CSMD1: variants seen among roughly 807,000 people sequenced by gnomAD.
The protein encoded by CSMD1 is CUB and sushi domain-containing protein 1.
A neutral mutation model predicts 417.5 loss-of-function variants in CSMD1; 213 were observed. That is an observed-to-expected ratio of 0.51 (90% confidence interval 0.46 to 0.57). CSMD1 has a LOEUF of 0.57. Ranked by LOEUF, CSMD1 falls within the 20% of genes least tolerant of loss-of-function variation. The pLI, the probability that CSMD1 is intolerant of heterozygous loss-of-function variation, is 0.00. For synonymous variants in CSMD1, 2,862 were observed against 1,736.8 expected, an observed-to-expected ratio of 1.65 and a Z score of -16.11; for missense variants, 6,923 against 4,529.7, an observed-to-expected ratio of 1.53 and a Z score of -15.17.
intron 3 of CSMD1, among the ~76,000 whole-genome samples, chr8:4,329,250 TACAA>T (rs777709730): frequency 3.3e-5 from 5 of 152,276 alleles, no homozygotes; most frequent in Admixed American, 2.6e-4. Context: ...ATGCACAGAA[TACAA>T]ACAAAGACCT....
chr8:4,066,838 C>A (rs776768232), intron 3 of CSMD1, among the ~76,000 whole-genome samples: 1 of 152,354 alleles, frequency 6.6e-6, no homozygotes, highest in East Asian at 1.9e-4. Context: ...CACTCACAAA[C>A]ACACACAGTA....
intron 7 of CSMD1, among the ~76,000 whole-genome samples, chr8:3,668,120 T>G (rs997126494): frequency 2.0e-5 from 3 of 152,046 alleles, no homozygotes; most frequent in Non-Finnish European, 2.9e-5. Context: ...GGAGAGAGCG[T>G]TGAACACAAT....
At chr8:3,519,595 T>A (rs1049045926) in intron 10 of CSMD1, among the ~76,000 whole-genome samples, 1 of 152,034 alleles carries the variant, frequency 6.6e-6, no homozygotes, top group African/African-American at 2.4e-5. Context: ...TACCTTCAAA[T>A]CAGAAAGGGA....
chr8:3,012,570 A>G (rs539160286), intron 52 of CSMD1, among the ~76,000 whole-genome samples: 9 of 152,148 alleles, frequency 5.9e-5, no homozygotes, highest in African/African-American at 2.2e-4. Context: ...CAATTCAGGG[A>G]AAAAAAATGC....
chr8:3,278,107 C>G (rs1802443674), intron 26 of CSMD1, among the ~76,000 whole-genome samples: 1 of 151,940 alleles, frequency 6.6e-6, no homozygotes, highest in Admixed American at 6.6e-5. Flanking sequence ...ATGAATCAGC[C>G]AAAGAGCCAA....
intron 5 of CSMD1, among the ~76,000 whole-genome samples, chr8:3,951,669 A>G: frequency 6.6e-6 from 1 of 152,352 alleles, no homozygotes; most frequent in Non-Finnish European, 1.5e-5. Flanking sequence ...AAATTAAAAA[A>G]TAAACATTTG....
chr8:2,981,038 A>G (rs149486548), intron 54 of CSMD1, among the ~76,000 whole-genome samples: 1,632 of 152,322 alleles, frequency 0.011, 16 homozygotes, highest in Non-Finnish European at 0.016. Context: ...TGCAGTCAGA[A>G]GTCTTTCTTT....
intron 3 of CSMD1, among the ~76,000 whole-genome samples, chr8:4,048,501 G>C (rs1040462862): frequency 6.6e-5 from 10 of 152,110 alleles, no homozygotes; most frequent in African/African-American, 1.7e-4. Flanking sequence ...AACAAACTGA[G>C]GCAGAAAAGT....
chr8:4,076,098 A>G (rs2552137), intron 3 of CSMD1, among the ~76,000 whole-genome samples: 19,638 of 152,136 alleles, frequency 0.13, 1,414 homozygotes, highest in Middle Eastern at 0.19. Flanking sequence ...TGCAGTTCCC[A>G]TAATCCCCAC....
intron 3 of CSMD1, among the ~76,000 whole-genome samples, chr8:4,417,081 T>C (rs1461104735): frequency 6.9e-6 from 1 of 144,044 alleles, no homozygotes; most frequent in Non-Finnish European, 1.5e-5. Flanking sequence ...TTCAATTTTA[T>C]TCTATATTTA....
At chr8:4,441,192 G>A (rs1251789723) in intron 2 of CSMD1, among the ~76,000 whole-genome samples, 2 of 134,162 alleles carry the variant, frequency 1.5e-5, no homozygotes, top group Non-Finnish European at 3.1e-5. Context: ...TCAAACTCCT[G>A]GGATCAAGCA....
chr8:4,946,419 G>C (rs1326232359), intron 1 of CSMD1, among the ~76,000 whole-genome samples: 1 of 152,136 alleles, frequency 6.6e-6, no homozygotes, highest in Non-Finnish European at 1.5e-5. Context: ...TGTCCATGAA[G>C]ATGGCTTTGG....
chr8:3,215,837 G>A (rs1430461200), intron 29 of CSMD1, among the ~76,000 whole-genome samples: 1 of 151,798 alleles, frequency 6.6e-6, no homozygotes, highest in Non-Finnish European at 1.5e-5. Context: ...AAGCTCTGGA[G>A]GAAGAAAAAG....
chr8:3,871,635 C>T (rs1237918097), intron 5 of CSMD1, among the ~76,000 whole-genome samples: 1 of 152,030 alleles, frequency 6.6e-6, no homozygotes, highest in Non-Finnish European at 1.5e-5. Context: ...TATTTTTTCT[C>T]ACTTTACCAT....
intron 3 of CSMD1, among the ~76,000 whole-genome samples, chr8:4,323,672 A>G (rs1172398645): frequency 6.6e-6 from 1 of 152,166 alleles, no homozygotes; most frequent in Non-Finnish European, 1.5e-5. Flanking sequence ...CTCTACAAAC[A>G]AGAATTATAT....
intron 5 of CSMD1, among the ~76,000 whole-genome samples, chr8:3,940,937 A>G (rs1345647211): frequency 6.6e-6 from 1 of 151,256 alleles, no homozygotes; most frequent in Non-Finnish European, 1.5e-5. Context: ...GTATTTGTCC[A>G]TATTTTACAT....
At chr8:4,808,726 G>C (rs1585134309) in intron 1 of CSMD1, among the ~76,000 whole-genome samples, 1 of 152,232 alleles carries the variant, frequency 6.6e-6, no homozygotes. Context: ...CACTCAGAAA[G>C]TTTGCCTAAT....
intron 10 of CSMD1, among the ~76,000 whole-genome samples, chr8:3,565,611 T>G (rs1045412161): frequency 6.6e-6 from 1 of 152,186 alleles, no homozygotes; most frequent in Non-Finnish European, 1.5e-5. Flanking sequence ...TTAATTCAAG[T>G]TCTTTAAAAA....
intron 1 of CSMD1, among the ~76,000 whole-genome samples, chr8:4,650,833 A>G (rs17417988): frequency 6.6e-6 from 1 of 152,204 alleles, no homozygotes; most frequent in African/African-American, 2.4e-5. Context: ...AAGGTTGTAG[A>G]GTAGAAAGCA....
Sources: gnomAD v4.1 joint callset for allele counts (sites outside exome capture counted in the v4.1 genomes callset) on GRCh38, gnomAD v4.1.1 for gene constraint, MANE v1.5 for transcripts, NCBI Gene and HGNC (gene_info 2026-07-23, HGNC 2026-07-21) for gene names.